TBXAS1: variants seen among roughly 807,000 people sequenced by gnomAD.
The protein encoded by TBXAS1 is thromboxane-A synthase.
Under a neutral mutation model 60.7 loss-of-function variants are expected in TBXAS1, and 48 were observed. That is an observed-to-expected ratio of 0.79 (90% CI 0.63 to 1.01). The LOEUF is 1.01. TBXAS1 is among the 50% of genes least tolerant of loss of function. The pLI is 0.00. For synonymous variants in TBXAS1, 287 were observed against 269.7 expected, an observed-to-expected ratio of 1.06 and a Z score of -0.63; for missense variants, 685 against 686.3, an observed-to-expected ratio of 1.00 and a Z score of 0.02.
chr7:140,008,449 T>TC (rs528716021), intron 10 of TBXAS1, among the ~76,000 whole-genome samples: 1 of 130,196 alleles, frequency 7.7e-6, no homozygotes, highest in African/African-American at 3.1e-5. Flanking sequence ...CTTTTATTCT[T>TC]TTTTTTTTTT....
chr7:139,939,491 A>G (rs1808099278), intron 5 of TBXAS1, among the ~76,000 whole-genome samples: 1 of 151,336 alleles, frequency 6.6e-6, no homozygotes, highest in Non-Finnish European at 1.5e-5. Context: ...TCTACTCCAT[A>G]TAGTTCAATT....
intron 9 of TBXAS1, among the ~76,000 whole-genome samples, chr7:139,994,067 G>A (rs372172020): frequency 1.3e-5 from 2 of 149,676 alleles, no homozygotes; most frequent in African/African-American, 4.9e-5. Context: ...TTGAGATGAA[G>A]TTTTGCTCTT....
chr7:139,901,237 C>T (rs1195003693), intron 3 of TBXAS1, among the ~76,000 whole-genome samples: 1 of 151,668 alleles, frequency 6.6e-6, no homozygotes, highest in African/African-American at 2.4e-5. Flanking sequence ...TAAAATGGGA[C>T]CAGTTTTCTC....
At chr7:139,828,774 G>C (rs770086655), upstream of TBXAS1, among the ~76,000 whole-genome samples, 13 of 152,108 alleles carry the variant, frequency 8.5e-5, no homozygotes, top group Non-Finnish European at 1.5e-4. Flanking sequence ...TCTTTGCTTT[G>C]CTCCAACAGC....
rs753309059 is a variant in TBXAS1, at chr7:139,896,493, G to A, written c.237-14732G>A. On this transcript the variant is annotated intron_variant, in intron 3 of 12. Coordinates refer to ENST00000448866, the MANE Select transcript of TBXAS1 (RefSeq NM_001061.7). The surrounding 1 kb of genome is among the most constrained non-coding windows in gnomAD (Gnocchi z 4.0). Reference sequence around the variant, plus strand: ...AAACTGTGTGCTGAGACACCCCAGGGTGCCACAGTGAACTCACAGGGGCTT... The same window carrying A: ...AAACTGTGTGCTGAGACACCCCAGGATGCCACAGTGAACTCACAGGGGCTT... Among the ~76,000 whole-genome samples, 30 of 152,148 alleles carry A rather than the reference G, an allele frequency of 2.0e-4. No individual in the cohort carries two copies. The highest frequency in any genetic ancestry group is 4.0e-4 in the Non-Finnish European group (27 of 68,020).
At chr7:139,855,997 G>A (rs1370797850) in intron 1 of TBXAS1, among the ~76,000 whole-genome samples, 5 of 152,184 alleles carry the variant, frequency 3.3e-5, no homozygotes, top group Non-Finnish European at 7.4e-5. Context: ...GGGATTATTA[G>A]CAAAGCAGAG....
At chr7:139,846,666 C>A (rs959740060) in intron 1 of TBXAS1, among the ~76,000 whole-genome samples, 5 of 152,206 alleles carry the variant, frequency 3.3e-5, no homozygotes, top group African/African-American at 1.2e-4. Context: ...GAATGCACTG[C>A]AGTGAAAAGT....
chr7:139,838,222 T>C (rs923329166), intron 1 of TBXAS1, among the ~76,000 whole-genome samples: 2 of 152,254 alleles, frequency 1.3e-5, no homozygotes, highest in Admixed American at 1.3e-4. Context: ...GCCTCCTCTT[T>C]CCTTCAACTC....
Position 139,953,388 on chromosome 7 carries a change from AG to A in TBXAS1, c.472del (p.Ala158ProfsTer9). On this transcript the variant is annotated frameshift_variant, in exon 6 of 13. Transcript: ENST00000448866. LOFTEE classifies it high-confidence loss of function. ...LNEMVPLISQ[A>X]CDLLLAHLKR... is the part of the protein sequence containing the mutation. The stretch of plus-strand genomic sequence containing the variant: ...ATCAGATGGTTCCCCTCATCAGCCA[AG>A]CCTGCGACCTTCTCCTGGCTCATTT... 1 of 1,614,178 alleles carries A rather than the reference AG, an allele frequency of 6.2e-7. No individual in the cohort carries two copies. The highest frequency in any genetic ancestry group is 8.5e-7 in the Non-Finnish European group (1 of 1,179,992).
At chr7:139,833,509 C>T (rs1226190227) in intron 1 of TBXAS1, among the ~76,000 whole-genome samples, 1 of 74,412 alleles carries the variant, frequency 1.3e-5, no homozygotes, top group Non-Finnish European at 2.8e-5. Flanking sequence ...ACTAAAAATA[C>T]AAAAAAAAAA....
intron 10 of TBXAS1, among the ~76,000 whole-genome samples, chr7:140,014,974 C>CA (rs1038760784): frequency 7.3e-5 from 11 of 151,548 alleles, no homozygotes; most frequent in Non-Finnish European, 1.2e-4. Flanking sequence ...GAGGATGCAG[C>CA]AAAAAACAGC....
intron 4 of TBXAS1, among the ~76,000 whole-genome samples, chr7:139,810,469 G>A (rs1445764385): frequency 6.6e-6 from 1 of 152,178 alleles, no homozygotes. Flanking sequence ...TGCTATATTC[G>A]CCATGGGGAT....
chr7:139,992,569 A>G (rs1173495523), intron 9 of TBXAS1, among the ~76,000 whole-genome samples: 4 of 152,260 alleles, frequency 2.6e-5, no homozygotes, highest in African/African-American at 9.6e-5. Flanking sequence ...AAGAAGGCAA[A>G]GGGCTGAAAT....
At chr7:139,873,622 G>C (rs1048752221) in intron 2 of TBXAS1, among the ~76,000 whole-genome samples, 9 of 152,316 alleles carry the variant, frequency 5.9e-5, no homozygotes, top group Admixed American at 1.3e-4. Flanking sequence ...AACGTTGGGT[G>C]GGGGAGTGGT....
chr7:139,931,379 T>C (rs1807317880), intron 4 of TBXAS1, among the ~76,000 whole-genome samples: 1 of 151,910 alleles, frequency 6.6e-6, no homozygotes, highest in Admixed American at 6.6e-5. Flanking sequence ...TTCTGCAGAG[T>C]CCCCTTCCTG....
At chr7:139,867,038 T>C (rs1801468564) in intron 1 of TBXAS1, among the ~76,000 whole-genome samples, 1 of 152,224 alleles carries the variant, frequency 6.6e-6, no homozygotes, top group East Asian at 1.9e-4. Context: ...GCTTCCGATG[T>C]GGCCATGATG....
intron 9 of TBXAS1, among the ~76,000 whole-genome samples, chr7:139,992,445 A>G (rs561934341): frequency 6.6e-6 from 1 of 152,214 alleles, no homozygotes; most frequent in Non-Finnish European, 1.5e-5. Flanking sequence ...AAAGGCCCAC[A>G]CTAGCGGGGA....
upstream of TBXAS1, among the ~76,000 whole-genome samples, chr7:139,827,862 T>C (rs1452570086): frequency 6.6e-6 from 1 of 152,364 alleles, no homozygotes; most frequent in South Asian, 2.1e-4. Context: ...GTTCATCTGA[T>C]TGGTTTTCCT....
At chr7:139,924,790 G>C (rs1806759732) in intron 4 of TBXAS1, among the ~76,000 whole-genome samples, 1 of 152,140 alleles carries the variant, frequency 6.6e-6, no homozygotes, top group Non-Finnish European at 1.5e-5. Context: ...ATAGTTTGAG[G>C]ACTCAGATTT....
Sources: gnomAD v4.1 joint callset for allele counts (sites outside exome capture counted in the v4.1 genomes callset) on GRCh38, gnomAD v4.1.1 for gene constraint, Gnocchi (gnomAD v3.1) non-coding constraint, MANE v1.5 for transcripts, NCBI Gene and HGNC (gene_info 2026-07-23, HGNC 2026-07-21) for gene names.